The following TRPM3 variants were observed in gnomAD, a reference collection of about 807,000 sequenced individuals.
TRPM3 encodes transient receptor potential cation channel subfamily M member 3.
Under a neutral mutation model 181.2 loss-of-function variants are expected in TRPM3, and 77 were observed. That is an observed-to-expected ratio of 0.42 (90% CI 0.35 to 0.51). The LOEUF (loss-of-function observed/expected upper bound fraction) is 0.51, where lower values mean the gene tolerates loss of function less well. Ranked by LOEUF, TRPM3 falls within the 20% of genes least tolerant of loss-of-function variation. The pLI is 0.01. For missense variants in TRPM3, 1,759 were observed against 2,196.7 expected (o/e 0.80, Z 3.98); for synonymous variants, 745 against 796.4 (o/e 0.94, Z 1.09).
intron 1 of TRPM3, among the ~76,000 whole-genome samples, chr9:70,944,181 GA>G (rs1392581379): frequency 3.3e-5 from 5 of 152,158 alleles, no homozygotes; most frequent in Non-Finnish European, 7.3e-5. Flanking sequence ...AACAAAGAAG[GA>G]AATCACTGGA....
chr9:71,398,589 G>A (rs1164373148), intron 1 of TRPM3, among the ~76,000 whole-genome samples: 2 of 152,128 alleles, frequency 1.3e-5, no homozygotes, highest in Non-Finnish European at 2.9e-5. Flanking sequence ...TCTCTCTTCT[G>A]CTCCACCAAG....
chr9:71,217,242 G>A (rs1159585451), intron 1 of TRPM3, among the ~76,000 whole-genome samples: 7 of 151,534 alleles, frequency 4.6e-5, no homozygotes, highest in South Asian at 2.1e-4. Flanking sequence ...GAGCCACCGC[G>A]CCCGGCCCAG....
At chr9:70,693,437 A>C (rs1394919532) in intron 8 of TRPM3, among the ~76,000 whole-genome samples, 2 of 152,150 alleles carry the variant, frequency 1.3e-5, no homozygotes, top group Non-Finnish European at 2.9e-5. Context: ...GGCCAACACC[A>C]TATGGATTTC....
At chr9:71,171,395 T>G (rs1027815758) in intron 1 of TRPM3, among the ~76,000 whole-genome samples, 1 of 152,238 alleles carries the variant, frequency 6.6e-6, no homozygotes, top group East Asian at 1.9e-4. Flanking sequence ...TTGTGGCTTG[T>G]GGGGCATCAC....
chr9:70,625,191 C>T lies in TRPM3; in HGVS notation c.1809G>A (p.Arg603=). The T allele has an allele frequency of 6.2e-7, 1 of 1,613,964 alleles. No individual in the cohort carries two copies. Among genetic ancestry groups the T allele is most frequent in the Non-Finnish European group, 8.5e-7 (1 of 1,179,970 alleles). The part of the protein sequence containing the change: ...TLYHNLFGPK[R]PKALKLLGME... ...GCCCCGAATTTGCAGCCAGCCTCAC[C>T]CTCTTGGGGCCGAAGAGGTTGTGGT... Residue 603 remains arginine (R), a splice_region_variant and synonymous_variant, in exon 14 of 26, where the codon AGG becomes AGA. Coordinates refer to ENST00000677713, the MANE Select transcript of TRPM3 (RefSeq NM_001366145.2). The surrounding 1 kb of genome is among the most constrained non-coding windows in gnomAD (Gnocchi z 4.8).
chr9:70,827,312 A>G (rs1448942576), intron 6 of TRPM3: 4 of 152,182 alleles, frequency 2.6e-5, no homozygotes, highest in African/African-American at 9.6e-5. Flanking sequence ...AGCTTAATAA[A>G]TAGAAACATT....
At chr9:70,652,715 C>T (rs1394723523) in intron 9 of TRPM3, among the ~76,000 whole-genome samples, 2 of 152,124 alleles carry the variant, frequency 1.3e-5, no homozygotes, top group African/African-American at 2.4e-5. Flanking sequence ...CTGTGGTCTC[C>T]CCTCAAAGTA....
At chr9:70,604,324 T>C (rs80248098) in intron 19 of TRPM3, among the ~76,000 whole-genome samples, 4,087 of 152,256 alleles carry the variant, frequency 0.027, 192 homozygotes, top group African/African-American at 0.093. Flanking sequence ...CATAAGGGGC[T>C]GAGGAGCCTT....
chr9:70,972,589 A>G (rs2097258372), intron 1 of TRPM3, among the ~76,000 whole-genome samples: 1 of 152,196 alleles, frequency 6.6e-6, no homozygotes, highest in Non-Finnish European at 1.5e-5. Context: ...AAAATCCACT[A>G]AATTATACAC....
intron 1 of TRPM3, among the ~76,000 whole-genome samples, chr9:71,353,750 C>A (rs1410152445): frequency 1.3e-5 from 2 of 152,148 alleles, no homozygotes; most frequent in Admixed American, 1.3e-4. Context: ...AAATATTTGG[C>A]AGTTTTATAA....
intron 6 of TRPM3, among the ~76,000 whole-genome samples, chr9:70,789,089 C>G (rs2130955622): frequency 2.0e-5 from 3 of 152,188 alleles, no homozygotes; most frequent in Middle Eastern, 6.8e-3. Flanking sequence ...TCTGTTCACA[C>G]TTTTTTTCTA....
intron 1 of TRPM3, among the ~76,000 whole-genome samples, chr9:70,967,658 A>T (rs1331519775): frequency 6.6e-6 from 1 of 152,122 alleles, no homozygotes; most frequent in Non-Finnish European, 1.5e-5. Context: ...GGCTTCTGTG[A>T]TCAAATTATT....
At chr9:71,304,987 G>T (rs2087134608) in intron 1 of TRPM3, among the ~76,000 whole-genome samples, 1 of 152,054 alleles carries the variant, frequency 6.6e-6, no homozygotes, top group Non-Finnish European at 1.5e-5. Flanking sequence ...CTCAAGATTT[G>T]GCCTTCCCTG....
chr9:70,947,660 G>A (rs2096950007), intron 1 of TRPM3, among the ~76,000 whole-genome samples: 1 of 152,130 alleles, frequency 6.6e-6, no homozygotes, highest in South Asian at 2.1e-4. Context: ...GGGATGGAGA[G>A]ACAATAAGGA....
At chr9:70,657,877 G>A (rs1351954239) in intron 9 of TRPM3, among the ~76,000 whole-genome samples, 4 of 152,098 alleles carry the variant, frequency 2.6e-5, no homozygotes, top group African/African-American at 9.7e-5. Flanking sequence ...AAGGCCCAGG[G>A]ACTATTGCAG....
intron 1 of TRPM3, among the ~76,000 whole-genome samples, chr9:71,099,264 T>C (rs935849038): frequency 2.0e-5 from 3 of 152,142 alleles, no homozygotes; most frequent in Non-Finnish European, 4.4e-5. Flanking sequence ...GGAGCCTCTT[T>C]TGTAAGGGCA....
At chr9:71,389,570 T>G (rs2093011435) in intron 1 of TRPM3, among the ~76,000 whole-genome samples, 1 of 152,136 alleles carries the variant, frequency 6.6e-6, no homozygotes, top group Admixed American at 6.6e-5. Context: ...TGCAAAATCA[T>G]GGGACCAACC....
Position 70,701,744 on chromosome 9 carries a change from G to A in TRPM3, c.1273-20166C>T, listed in dbSNP as rs114250274. Reference sequence around the variant, plus strand: ...TTGAACATATCTAGATTCTTAAGGAGAACAGTTGCTAAGTGAAATAAATAT... The same window carrying A: ...TTGAACATATCTAGATTCTTAAGGAAAACAGTTGCTAAGTGAAATAAATAT... On this transcript the variant is annotated intron_variant, in intron 8 of 25. Transcript: ENST00000677713. Among the ~76,000 whole-genome samples the A allele has an allele frequency of 1.9e-3, 292 of 152,242 alleles. 2 individuals are homozygous for A. Among genetic ancestry groups the A allele is most frequent in the African/African-American group, 6.7e-3 (279 of 41,544 alleles).
intron 1 of TRPM3, among the ~76,000 whole-genome samples, chr9:71,311,747 T>G (rs996544137): frequency 2.6e-5 from 4 of 151,928 alleles, no homozygotes; most frequent in Non-Finnish European, 5.9e-5. Context: ...AAGAATTGTC[T>G]TGGGCCACAT....
Sources: allele counts gnomAD v4.1 joint callset (sites outside exome capture counted in the v4.1 genomes callset), GRCh38; gene constraint gnomAD v4.1.1; non-coding constraint Gnocchi (gnomAD v3.1); transcripts MANE v1.5; gene names NCBI Gene and HGNC (gene_info 2026-07-23, HGNC 2026-07-21).